The following SGCD variants were observed in gnomAD, a reference collection of about 807,000 sequenced individuals.
The protein encoded by SGCD is sarcoglycan delta, also known as delta-sarcoglycan.
Under a neutral mutation model 36.6 loss-of-function variants are expected in SGCD, and 18 were observed. That is an observed-to-expected ratio of 0.49 (90% confidence interval 0.34 to 0.73). The LOEUF (loss-of-function observed/expected upper bound fraction) is 0.73, where lower values mean the gene tolerates loss of function less well. Ranked by LOEUF, SGCD falls within the 30% of genes least tolerant of loss-of-function variation. SGCD has a pLI of 0.01. For synonymous variants in SGCD, 133 were observed against 130.6 expected, an observed-to-expected ratio of 1.02 and a Z score of -0.12; for missense variants, 387 against 346.7, an observed-to-expected ratio of 1.12 and a Z score of -0.92.
intron 4 of SGCD, among the ~76,000 whole-genome samples, chr5:156,569,682 CA>C (rs1405346380): frequency 6.6e-6 from 1 of 150,488 alleles, no homozygotes; most frequent in Non-Finnish European, 1.5e-5. Context: ...AAAGAGAGAG[CA>C]AGAGTAAGAG....
At chr5:155,833,326 G>A in the SGCD span, among the ~76,000 whole-genome samples, 2 of 152,138 alleles carry the variant, frequency 1.3e-5, no homozygotes, top group African/African-American at 4.8e-5. Context: ...TTTTATATTT[G>A]TTACATTAAA....
intron 1 of SGCD, among the ~76,000 whole-genome samples, chr5:155,933,863 CGTCA>C (rs1263190377): frequency 1.3e-5 from 2 of 152,096 alleles, no homozygotes; most frequent in Non-Finnish European, 2.9e-5. Context: ...CAGAGAAGAC[CGTCA>C]GTTAAGGCTT....
Position 155,999,973 on chromosome 5 carries a change from T to C in SGCD, c.-281-117905T>C, listed in dbSNP as rs77799255. ...TGTTAGCAACTGTTAGAGTAGGTTC[T>C]ATCTTCCTATCTTCATAATGATTTG... On this transcript the variant is annotated intron_variant, in intron 1 of 9. Coordinates refer to the SGCD transcript ENST00000517913. Among the ~76,000 whole-genome samples, 415 of 152,352 alleles carry C rather than the reference T, an allele frequency of 2.7e-3. 1 individual carries two copies. Among genetic ancestry groups the C allele is most frequent in the African/African-American group, 9.5e-3 (397 of 41,602 alleles).
At chr5:155,972,750 G>C (rs780942410) in intron 1 of SGCD, among the ~76,000 whole-genome samples, 2 of 152,068 alleles carry the variant, frequency 1.3e-5, no homozygotes, top group Non-Finnish European at 2.9e-5. Flanking sequence ...GGCAGTTTTA[G>C]TCCTAATTAA....
At chr5:156,293,429 C>T (rs1034677919) in intron 3 of SGCD, among the ~76,000 whole-genome samples, 22 of 151,952 alleles carry the variant, frequency 1.4e-4, no homozygotes, top group African/African-American at 4.8e-4. Flanking sequence ...TCTATGTTTT[C>T]TTCTAAGAGT....
intron 3 of SGCD, among the ~76,000 whole-genome samples, chr5:156,185,955 G>A (rs1484343955): frequency 6.8e-6 from 1 of 146,454 alleles, no homozygotes; most frequent in Non-Finnish European, 1.5e-5. Flanking sequence ...TTCAGGACTT[G>A]GGGTACTTTT....
intron 3 of SGCD, among the ~76,000 whole-genome samples, chr5:156,222,781 G>T (rs1460485965): frequency 6.6e-6 from 1 of 151,974 alleles, no homozygotes; most frequent in Non-Finnish European, 1.5e-5. Flanking sequence ...TACTTTAAAA[G>T]ATGCAATTAA....
rs982435608 is a variant in SGCD, at chr5:156,672,558, G to A, written c.575+25022G>A. On this transcript the variant is annotated intron_variant, in intron 7 of 8. Coordinates refer to ENST00000337851, the MANE Select transcript of SGCD (RefSeq NM_000337.6). ...TCTTCACCAAACCCACAGGCTCTTA[G>A]CTTTTAGCTTCCCGTCATCTGCCAA... Among the ~76,000 whole-genome samples the A allele has an allele frequency of 5.9e-5, 9 of 152,136 alleles. No homozygotes were observed. The South Asian group carries it at 6.2e-4, about 11-fold the overall frequency.
intron 1 of SGCD, among the ~76,000 whole-genome samples, chr5:155,948,671 A>G (rs994785197): frequency 3.9e-5 from 6 of 152,138 alleles, no homozygotes; most frequent in Non-Finnish European, 5.9e-5. Flanking sequence ...AATGATCTTA[A>G]ATGGGGTTAG....
intron 2 of SGCD, among the ~76,000 whole-genome samples, chr5:156,335,978 A>T (rs1319991485): frequency 6.6e-6 from 1 of 152,182 alleles, no homozygotes; most frequent in Non-Finnish European, 1.5e-5. Flanking sequence ...CACTAGAGTG[A>T]TCCTGAAGTG....
intron 3 of SGCD, among the ~76,000 whole-genome samples, chr5:156,418,569 G>A (rs757349506): frequency 1.3e-5 from 2 of 152,170 alleles, no homozygotes; most frequent in Non-Finnish European, 2.9e-5. Flanking sequence ...GTTCCCAAAT[G>A]TGCTTTTCTG....
At chr5:156,502,318 T>A (rs141013800) in intron 3 of SGCD, among the ~76,000 whole-genome samples, 2,137 of 152,230 alleles carry the variant, frequency 0.014, 22 homozygotes, top group Non-Finnish European at 0.023. Flanking sequence ...AGTGCTGGGA[T>A]TACAGGCGTG....
At chr5:156,264,167 C>T (rs928521081) in intron 3 of SGCD, among the ~76,000 whole-genome samples, 9 of 151,940 alleles carry the variant, frequency 5.9e-5, no homozygotes, top group Admixed American at 3.9e-4. Context: ...GTGAACGTAA[C>T]ATTTGAAGAG....
chr5:156,402,399 G>A (rs1772201692), intron 3 of SGCD, among the ~76,000 whole-genome samples: 1 of 152,204 alleles, frequency 6.6e-6, no homozygotes, highest in East Asian at 1.9e-4. Context: ...TTTTGCAAAA[G>A]AGAATGCACA....
At chr5:156,320,542 C>G (rs2127696139) in intron 3 of SGCD, among the ~76,000 whole-genome samples, 1 of 152,152 alleles carries the variant, frequency 6.6e-6, no homozygotes, top group East Asian at 1.9e-4. Flanking sequence ...CTATTCAGCT[C>G]TATCAGTATT....
rs141217163 is a variant in SGCD, at chr5:156,595,951, T to G, written c.502+900T>G. ...TGCTGAAATGATCTAGCATGGTGAT[T>G]TAAGGATCCTAGAACTCCAGCTGAC... On this transcript the variant is annotated intron_variant, in intron 6 of 8. Transcript: ENST00000337851. 1.5e-3 allele frequency among the ~76,000 whole-genome samples: 235 copies of G among 152,282 alleles called. 1 individual carries two copies. The highest frequency in any genetic ancestry group is 5.4e-3 in the African/African-American group (223 of 41,564).
chr5:156,484,077 T>C (rs747123788), intron 3 of SGCD, among the ~76,000 whole-genome samples: 6 of 152,188 alleles, frequency 3.9e-5, no homozygotes, highest in Non-Finnish European at 8.8e-5. Context: ...GAATCCCACA[T>C]GTCAAGCCTA....
At chr5:156,364,950 G>T (rs17636636) in intron 3 of SGCD, among the ~76,000 whole-genome samples, 2 of 152,302 alleles carry the variant, frequency 1.3e-5, no homozygotes, top group Middle Eastern at 3.4e-3. Flanking sequence ...GCATCATGGT[G>T]CATGTTGGTA....
chr5:155,800,574 G>A, the SGCD span, among the ~76,000 whole-genome samples: 1 of 117,160 alleles, frequency 8.5e-6, no homozygotes, highest in East Asian at 2.9e-4. Flanking sequence ...TCTTTTGCCT[G>A]AATGCTTATA....
Sources: allele counts gnomAD v4.1 joint callset (sites outside exome capture counted in the v4.1 genomes callset), GRCh38; gene constraint gnomAD v4.1.1; transcripts MANE v1.5; gene names NCBI Gene and HGNC (gene_info 2026-07-23, HGNC 2026-07-21).